The following COL25A1 variants were observed in gnomAD, a reference collection of about 807,000 sequenced individuals.
COL25A1 encodes the protein collagen alpha-1(XXV) chain.
COL25A1 carries 103 observed loss-of-function variants against 128.4 expected under a neutral mutation model. The observed-to-expected ratio is 0.80, with a 90% CI of 0.68 to 0.94. COL25A1 has a LOEUF of 0.94. COL25A1 is among the 40% of genes least tolerant of loss of function. The probability of loss-of-function intolerance (pLI) is 0.00; values close to 1 mark genes in which losing one functional copy is unlikely to be tolerated. For missense variants in COL25A1, 745 were observed against 840.0 expected (o/e 0.89, Z 1.40); for synonymous variants, 279 against 277.2 (o/e 1.01, Z -0.06).
intron 3 of COL25A1, among the ~76,000 whole-genome samples, chr4:109,065,308 C>A (rs1463945201): frequency 6.6e-6 from 1 of 152,194 alleles, no homozygotes; most frequent in Non-Finnish European, 1.5e-5. Flanking sequence ...GAAGTAGGAA[C>A]ACTCCCATTC....
intron 2 of COL25A1, among the ~76,000 whole-genome samples, chr4:109,300,885 T>G (rs886480675): frequency 3.9e-5 from 6 of 152,298 alleles, no homozygotes; most frequent in African/African-American, 1.4e-4. Context: ...CTTTCTCCAT[T>G]CTTCTCTACC....
At chr4:108,889,598 G>T in intron 17 of COL25A1, 103 bp downstream of exon 17, 1 of 974,452 alleles carries the variant, frequency 1.0e-6, no homozygotes, top group Non-Finnish European at 1.6e-6. Flanking sequence ...AATAAGAACA[G>T]AGTTATAACC....
Position 108,896,672 on chromosome 4 carries a change from C to T in COL25A1, c.901G>A (p.Glu301Lys), listed in dbSNP as rs1241594711. 5.0e-6 allele frequency: 8 copies of T among 1,613,826 alleles called. No individual in the cohort carries two copies. The highest frequency in any genetic ancestry group is 2.2e-5 in the East Asian group (1 of 44,850). The change falls in exon 16 of 38, where the codon GAA (glutamate) becomes AAA (lysine). Residue 301 changes from glutamate to lysine, a missense_variant. Physicochemically the swap from Glu to Lys is moderately conservative, Grantham distance 56. Coordinates refer to ENST00000399132, the MANE Select transcript of COL25A1 (RefSeq NM_198721.4). ...GENGPKGDTGEKGDPGSSAAG... is the reference protein window; with the variant it reads ...GENGPKGDTGKKGDPGSSAAG... ...CATGTCTTACAAAACTGTACCTTTT[C>T]GCCTGTGTCACCCTTGGGGCCGTTC...
intron 5 of COL25A1, among the ~76,000 whole-genome samples, chr4:109,044,949 C>T (rs967144763): frequency 9.9e-5 from 15 of 152,092 alleles, no homozygotes; most frequent in African/African-American, 3.4e-4. Context: ...GGGTTTGAAC[C>T]ACATTGGTCC....
intron 3 of COL25A1, among the ~76,000 whole-genome samples, chr4:109,254,469 T>TTA (rs55997800): frequency 0.16 from 9,619 of 59,264 alleles, 912 homozygotes; most frequent in Non-Finnish European, 0.24. Flanking sequence ...AGGCATATGT[T>TTA]TATATATATA....
intron 11 of COL25A1, among the ~76,000 whole-genome samples, chr4:108,929,527 T>C (rs1265017676): frequency 1.3e-5 from 2 of 152,098 alleles, no homozygotes; most frequent in African/African-American, 4.8e-5. Flanking sequence ...CTCCAAATAA[T>C]CTATAAGACA....
chr4:109,195,224 G>T (rs1775931349), intron 3 of COL25A1, among the ~76,000 whole-genome samples: 1 of 152,192 alleles, frequency 6.6e-6, no homozygotes, highest in Non-Finnish European at 1.5e-5. Flanking sequence ...CCAGGAGGAT[G>T]AAGAGAAGCA....
chr4:109,206,154 G>C (rs567928002), intron 3 of COL25A1, among the ~76,000 whole-genome samples: 1 of 152,152 alleles, frequency 6.6e-6, no homozygotes, highest in East Asian at 1.9e-4. Context: ...TTATCTTATG[G>C]CATAAAACAG....
intron 33 of COL25A1, among the ~76,000 whole-genome samples, chr4:108,826,257 G>A (rs1015906470): frequency 6.6e-6 from 1 of 152,116 alleles, no homozygotes; most frequent in Non-Finnish European, 1.5e-5. Flanking sequence ...GAATTTTCAG[G>A]CCGGGCGCAG....
chr4:109,041,129 G>A (rs2125927403), intron 5 of COL25A1, among the ~76,000 whole-genome samples: 1 of 152,144 alleles, frequency 6.6e-6, no homozygotes, highest in South Asian at 2.1e-4. Flanking sequence ...AGTTGAGGAG[G>A]TTACCCTGGA....
chr4:109,043,362 T>C (rs112257068), intron 5 of COL25A1, among the ~76,000 whole-genome samples: 3,926 of 152,160 alleles, frequency 0.026, 169 homozygotes, highest in African/African-American at 0.087. Context: ...AGAAATAGCA[T>C]TGTAAGCTTA....
intron 3 of COL25A1, among the ~76,000 whole-genome samples, chr4:109,238,002 T>A (rs1207755945): frequency 1.3e-5 from 2 of 152,124 alleles, no homozygotes; most frequent in Non-Finnish European, 2.9e-5. Context: ...ATATCTTTTC[T>A]TTTTTAAGCC....
intron 3 of COL25A1, among the ~76,000 whole-genome samples, chr4:109,149,875 T>C (rs1471390657): frequency 6.6e-6 from 1 of 152,174 alleles, no homozygotes; most frequent in Admixed American, 6.6e-5. Flanking sequence ...CAGAGGCCAT[T>C]TCTAGGTTCA....
At chr4:109,123,475 A>T (rs1350894901) in intron 3 of COL25A1, among the ~76,000 whole-genome samples, 1 of 152,098 alleles carries the variant, frequency 6.6e-6, no homozygotes, top group Non-Finnish European at 1.5e-5. Flanking sequence ...TGTGAGCTAA[A>T]GGGATAAATA....
chr4:109,298,428 A>G (rs1013344089), intron 3 of COL25A1, among the ~76,000 whole-genome samples: 1 of 152,116 alleles, frequency 6.6e-6, no homozygotes, highest in Non-Finnish European at 1.5e-5. Context: ...GTTAACTTCA[A>G]GGGGTGGGCA....
intron 3 of COL25A1, among the ~76,000 whole-genome samples, chr4:109,142,438 T>C (rs1038057930): frequency 6.6e-6 from 1 of 152,192 alleles, no homozygotes; most frequent in Non-Finnish European, 1.5e-5. Flanking sequence ...TAGGTCTGCT[T>C]GGTCCAGAGC....
intron 3 of COL25A1, among the ~76,000 whole-genome samples, chr4:109,262,407 G>A (rs1461041060): frequency 1.3e-5 from 2 of 151,936 alleles, no homozygotes; most frequent in Admixed American, 6.6e-5. Flanking sequence ...CCAGCTACTC[G>A]GGAGGCTGAG....
At chr4:109,207,971 T>C (rs1233956028) in intron 3 of COL25A1, among the ~76,000 whole-genome samples, 2 of 152,186 alleles carry the variant, frequency 1.3e-5, no homozygotes, top group Admixed American at 1.3e-4. Context: ...TCTTCTAGTC[T>C]TTCTAAAGCA....
chr4:109,248,781 C>A (rs945021835), intron 3 of COL25A1, among the ~76,000 whole-genome samples: 3 of 152,100 alleles, frequency 2.0e-5, no homozygotes, highest in Non-Finnish European at 4.4e-5. Context: ...CACCATTTTT[C>A]AGGGACAAAG....
Sources: gnomAD v4.1 joint callset for allele counts (sites outside exome capture counted in the v4.1 genomes callset) on GRCh38, gnomAD v4.1.1 for gene constraint, MANE v1.5 for transcripts, NCBI Gene and HGNC (gene_info 2026-07-23, HGNC 2026-07-21) for gene names.